The following CNTNAP3 variants were observed in gnomAD, a reference collection of about 807,000 sequenced individuals.
The protein encoded by CNTNAP3 is contactin-associated protein-like 3.
CNTNAP3 carries 36 observed loss-of-function variants against 92.1 expected under a neutral mutation model. The observed-to-expected ratio is 0.39, with a 90% CI of 0.30 to 0.52. The LOEUF is 0.52. CNTNAP3 is among the 20% of genes least tolerant of loss of function. CNTNAP3 has a pLI of 0.76. For missense variants in CNTNAP3, 534 were observed against 1,069.6 expected (o/e 0.50, Z 6.98); for synonymous variants, 232 against 422.3 (o/e 0.55, Z 5.53).
chr9:39,121,980 G>A (rs1446369969), intron 13 of CNTNAP3, among the ~76,000 whole-genome samples: 2 of 152,230 alleles, frequency 1.3e-5, no homozygotes, highest in East Asian at 3.9e-4. Context: ...CCAAGGGAAG[G>A]GGAAGGAAGC....
At chr9:39,149,557 C>T (rs2063272124) in intron 10 of CNTNAP3, among the ~76,000 whole-genome samples, 1 of 151,414 alleles carries the variant, frequency 6.6e-6, no homozygotes, top group Non-Finnish European at 1.5e-5. Flanking sequence ...GGGGTTTCAC[C>T]ATGTTAGCCA....
intron 11 of CNTNAP3, among the ~76,000 whole-genome samples, chr9:39,143,394 C>T (rs980263101): frequency 1.3e-5 from 2 of 152,086 alleles, no homozygotes; most frequent in Admixed American, 1.3e-4. Flanking sequence ...CTCCCAGGGG[C>T]TGTGGGTGCT....
rs1380417342 is a variant in CNTNAP3, at chr9:39,070,903, C to T, written c.*2987G>A. Among the ~76,000 whole-genome samples, 1 of 123,470 alleles carries T rather than the reference C, an allele frequency of 8.1e-6. No homozygotes were observed. Among genetic ancestry groups the T allele is most frequent in the East Asian group, 2.4e-4 (1 of 4,244 alleles). 81.0% of individuals were successfully genotyped at this position (123,470 alleles called of 152,430 possible). On this transcript the variant is annotated 3_prime_UTR_variant, in exon 24 of 24. Transcript: ENST00000297668. ...AGAATTATTGGTCAGTCTAGGCAAA[C>T]AGTATCAAACAGCCTAATATGATTT...
At chr9:39,090,256 A>C (rs1171442118) in intron 18 of CNTNAP3, among the ~76,000 whole-genome samples, 1 of 145,282 alleles carries the variant, frequency 6.9e-6, no homozygotes, top group African/African-American at 2.5e-5. Context: ...CAGTTGTAAA[A>C]GCTCTTTAAA....
intron 21 of CNTNAP3, among the ~76,000 whole-genome samples, chr9:39,079,319 T>C (rs951379674): frequency 6.6e-6 from 1 of 151,936 alleles, no homozygotes; most frequent in African/African-American, 2.4e-5. Flanking sequence ...CTCTTGGAGA[T>C]GAGGGCAGAG....
In CNTNAP3 at chr9:39,069,140, G is replaced by T. The variant is rs1423056440; in HGVS notation, c.*4750C>A. ...AGATTAAGATGAACATTGTAGATTG[G>T]AGCATATTATGGGAGCAAGGCAACC... On this transcript the variant is annotated 3_prime_UTR_variant, in exon 24 of 24. Coordinates refer to ENST00000297668, the MANE Select transcript of CNTNAP3 (RefSeq NM_033655.5). Among the ~76,000 whole-genome samples, 11 of 151,734 alleles carry T rather than the reference G, an allele frequency of 7.2e-5. No homozygotes were observed. The highest frequency in any genetic ancestry group is 2.7e-4 in the African/African-American group (11 of 41,016).
intron 9 of CNTNAP3, chr9:39,159,426 G>A (rs1448263039): frequency 1.5e-5 from 2 of 129,440 alleles, no homozygotes; most frequent in East Asian, 4.8e-4. Flanking sequence ...TTTTTCCAGT[G>A]ATTATCCTGC....
At chr9:39,092,297 G>C (rs1342550871) in intron 18 of CNTNAP3, among the ~76,000 whole-genome samples, 1 of 144,156 alleles carries the variant, frequency 6.9e-6, no homozygotes, top group Non-Finnish European at 1.5e-5. Context: ...ATTAGATTTA[G>C]TTTGCTCTTC....
chr9:39,124,220 G>C (rs936977159), intron 13 of CNTNAP3, among the ~76,000 whole-genome samples: 2 of 152,152 alleles, frequency 1.3e-5, no homozygotes, highest in African/African-American at 4.8e-5. Context: ...TTGTTTGAAA[G>C]TAGATTGTTA....
At chr9:39,276,757 G>T (rs1822965822) in intron 1 of CNTNAP3, among the ~76,000 whole-genome samples, 1 of 18,820 alleles carries the variant, frequency 5.3e-5, no homozygotes, top group African/African-American at 1.0e-4. Context: ...GAATCTCTGG[G>T]ACACATTTAA....
chr9:39,116,093 A>G (rs1464665088), intron 14 of CNTNAP3, among the ~76,000 whole-genome samples: 1 of 151,482 alleles, frequency 6.6e-6, no homozygotes, highest in Non-Finnish European at 1.5e-5. Context: ...CGCAGGTTGC[A>G]GTGAGCTGAG....
Position 39,073,498 on chromosome 9 carries a change from T to A in CNTNAP3, c.*392A>T, listed in dbSNP as rs200618450. On this transcript the variant is annotated 3_prime_UTR_variant, in exon 24 of 24. Coordinates refer to ENST00000297668, the MANE Select transcript of CNTNAP3 (RefSeq NM_033655.5). ...CATCTGAACAAAAGTTCTGTCATTT[T>A]TAAAAAATAAAGTAGGGCCACAGCT... 18,500 of 285,174 alleles carry A rather than the reference T, an allele frequency of 0.065. 21 individuals carry two copies. Among genetic ancestry groups the A allele is most frequent in the Admixed American group, 0.12 (2,493 of 20,252 alleles). The allele number at this position is 285,174 out of a possible 1,614,324, so 17.7% of individuals were successfully genotyped here. A position where few individuals can be genotyped will look rare whatever the true frequency, so the allele number is the denominator to read the frequency against.
At chr9:39,105,725 C>T (rs1564074430) in intron 15 of CNTNAP3, among the ~76,000 whole-genome samples, 1 of 152,046 alleles carries the variant, frequency 6.6e-6, no homozygotes, top group East Asian at 1.9e-4. Flanking sequence ...TTCAAGGAGT[C>T]GTGGTTTCTT....
intron 14 of CNTNAP3, among the ~76,000 whole-genome samples, chr9:39,111,122 T>C (rs1826738582): frequency 6.6e-6 from 1 of 152,210 alleles, no homozygotes; most frequent in Non-Finnish European, 1.5e-5. Context: ...CAATGCATAA[T>C]GATCAAATCA....
At chr9:39,151,022 T>C (rs1821831210) in intron 9 of CNTNAP3, among the ~76,000 whole-genome samples, 1 of 147,924 alleles carries the variant, frequency 6.8e-6, no homozygotes, top group Non-Finnish European at 1.5e-5. Context: ...GTTTGAAAAG[T>C]AAGGAAAAGG....
At chr9:39,131,300 G>C (rs1821287470) in intron 13 of CNTNAP3, among the ~76,000 whole-genome samples, 1 of 152,150 alleles carries the variant, frequency 6.6e-6, no homozygotes, top group Non-Finnish European at 1.5e-5. Flanking sequence ...CAATACTACA[G>C]GGTCCATTTC....
chr9:39,104,471 T>TAC (rs1233368382), intron 15 of CNTNAP3, among the ~76,000 whole-genome samples: 95 of 71,860 alleles, frequency 1.3e-3, no homozygotes, highest in Middle Eastern at 0.016. Context: ...TTCCTGCACA[T>TAC]ACACATACAC....
intron 21 of CNTNAP3, among the ~76,000 whole-genome samples, chr9:39,080,795 G>T (rs1457071711): frequency 7.3e-6 from 1 of 136,476 alleles, no homozygotes. Context: ...CCAAGTAGTT[G>T]GGACTACAGG....
In CNTNAP3 at chr9:39,162,034, G is replaced by T. The variant is rs1353769487; in HGVS notation, c.1477+3899C>A. 6.0e-4 allele frequency among the ~76,000 whole-genome samples: 72 copies of T among 119,548 alleles called. 9 individuals carry two copies. The highest frequency in any genetic ancestry group is 5.7e-3 in the Admixed American group (72 of 12,658). The allele number at this position is 119,548 out of a possible 152,430, so 78.4% of individuals were successfully genotyped here. A position where few individuals can be genotyped will look rare whatever the true frequency, so the allele number is the denominator to read the frequency against. On this transcript the variant is annotated intron_variant, in intron 9 of 23. Coordinates refer to ENST00000297668, the MANE Select transcript of CNTNAP3 (RefSeq NM_033655.5). Reference sequence around the variant, plus strand: ...AACTAAAGGTTTCTGCACAGCAAAAGAAACTATCCACAGAGTAAACAGACA... The same window carrying T: ...AACTAAAGGTTTCTGCACAGCAAAATAAACTATCCACAGAGTAAACAGACA...
Sources: gnomAD v4.1 joint callset for allele counts (sites outside exome capture counted in the v4.1 genomes callset) on GRCh38, gnomAD v4.1.1 for gene constraint, MANE v1.5 for transcripts, NCBI Gene and HGNC (gene_info 2026-07-23, HGNC 2026-07-21) for gene names.